CPS1: variants seen among roughly 807,000 people sequenced by gnomAD.
CPS1 encodes carbamoyl-phosphate synthase [ammonia], mitochondrial.
A neutral mutation model predicts 174.6 loss-of-function variants in CPS1; 109 were observed. The ratio of observed to expected loss-of-function variants is 0.62; its 90% CI spans 0.53 to 0.73. The LOEUF is 0.73. CPS1 is among the 30% of genes least tolerant of loss of function. The pLI is 0.00. For missense variants in CPS1, 1,689 were observed against 1,821.9 expected (o/e 0.93, Z 1.33); for synonymous variants, 637 against 632.0 (o/e 1.01, Z -0.12).
At position 210,529,093 on chromosome 2, in the gene CPS1, T is replaced by A. The variant is rs147054426; in HGVS notation, c.4-27626T>A. Among the ~76,000 whole-genome samples the A allele has an allele frequency of 4.8e-3, 732 of 152,000 alleles. 7 individuals are homozygous for A. The highest frequency in any genetic ancestry group is 0.017 in the African/African-American group (694 of 41,510). ...AAGGGAGTTATAGTGAAAATAGAAC[T>A]GGGAATATAAAGCTAGTGTTAGGAT... is the stretch of plus-strand genomic sequence containing the variant. On this transcript the variant is annotated intron_variant, in intron 1 of 38. Transcript: ENST00000430249.
intron 1 of CPS1, among the ~76,000 whole-genome samples, chr2:210,482,908 T>C (rs111807096): frequency 3.3e-5 from 5 of 152,336 alleles, no homozygotes; most frequent in African/African-American, 1.2e-4. Context: ...AGAAAGAGCA[T>C]TCATAACTTC....
At chr2:210,498,296 C>T (rs1317482216) in intron 1 of CPS1, among the ~76,000 whole-genome samples, 1 of 151,906 alleles carries the variant, frequency 6.6e-6, no homozygotes, top group Non-Finnish European at 1.5e-5. Context: ...AATATTTTTC[C>T]ACTGGTTTGT....
intron 1 of CPS1, among the ~76,000 whole-genome samples, chr2:210,566,785 A>T (rs2106058847): frequency 6.6e-6 from 1 of 152,166 alleles, no homozygotes; most frequent in East Asian, 1.9e-4. Context: ...TTAGATGAGA[A>T]AACCCACTAA....
chr2:210,591,806 A>C, intron 9 of CPS1, 25 bp from the exon 10 acceptor site: 1 of 1,609,822 alleles, frequency 6.2e-7, no homozygotes, highest in Non-Finnish European at 8.5e-7. Flanking sequence ...CCTTTTCCCT[A>C]TTCTTTTTCT....
intron 1 of CPS1, among the ~76,000 whole-genome samples, chr2:210,561,095 T>C (rs1001875682): frequency 6.6e-6 from 1 of 152,122 alleles, no homozygotes; most frequent in African/African-American, 2.4e-5. Context: ...ATATCCCCAA[T>C]TTTCTAAAAT....
rs1255749035 is a variant in CPS1 at position 210,582,637 on chromosome 2, T to G, written c.549T>G (p.Ile183Met). Residue 183 changes from isoleucine (I) to methionine (M), a missense_variant, in exon 6 of 38, where the codon ATT (isoleucine) becomes ATG (methionine). Coordinates refer to ENST00000233072, the MANE Select transcript of CPS1 (RefSeq NM_001875.5). ...GATAGGGTACCATGCTTGGGAAGAT[T>G]GAATTTGAAGGTCAGCCTGTGGATT... ...IRDKGTMLGK[I>M]EFEGQPVDFV... is the part of the protein sequence containing the mutation. The G allele has an allele frequency of 6.2e-7, 1 of 1,613,228 alleles. No individual in the cohort carries two copies. Among genetic ancestry groups the G allele is most frequent in the Admixed American group, 1.7e-5 (1 of 59,978 alleles).
chr2:210,527,870 A>G (rs1024994221), intron 1 of CPS1, among the ~76,000 whole-genome samples: 4 of 151,754 alleles, frequency 2.6e-5, no homozygotes, highest in South Asian at 4.1e-4. Context: ...AATTTGATGC[A>G]GTGGAGTGGG....
upstream of CPS1, among the ~76,000 whole-genome samples, chr2:210,554,866 C>T (rs985033641): frequency 2.8e-5 from 4 of 144,692 alleles, no homozygotes; most frequent in South Asian, 2.2e-4. Context: ...CACACACACA[C>T]ATAAAAAGAC....
rs1190918879 is a variant in CPS1 at position 210,642,721 on chromosome 2, C to T, written c.3141+56C>T. The T allele has an allele frequency of 2.5e-5, 37 of 1,453,032 alleles. No individual in the cohort carries two copies. The Admixed American group carries it at 6.3e-4, about 25-fold the overall frequency. 90.0% of individuals were successfully genotyped at this position (1,453,032 alleles called of 1,614,324 possible). A position where few individuals can be genotyped will look rare whatever the true frequency, so the allele number is the denominator to read the frequency against. On this transcript the variant is annotated intron_variant, in intron 25 of 37. Coordinates refer to ENST00000233072, the MANE Select transcript of CPS1 (RefSeq NM_001875.5). ...AAAGAAGACAGATATATGTAGTATA[C>T]ACTTTATATATATGCATTCTGGTAT...
intron 1 of CPS1, among the ~76,000 whole-genome samples, chr2:210,541,712 C>T (rs1026775632): frequency 6.6e-6 from 1 of 152,114 alleles, no homozygotes; most frequent in African/African-American, 2.4e-5. Context: ...AGTACATTTC[C>T]CCCAAAGGGA....
At chr2:210,593,279 T>C (rs888277532) in intron 11 of CPS1, 4 of 954,220 alleles carry the variant, frequency 4.2e-6, no homozygotes, top group Middle Eastern at 4.4e-4. Flanking sequence ...TTGCTCTCTC[T>C]CGTTCTCATG....
At chr2:210,579,356 C>A (rs559834550) in intron 4 of CPS1, among the ~76,000 whole-genome samples, 14 of 152,208 alleles carry the variant, frequency 9.2e-5, no homozygotes, top group African/African-American at 3.4e-4. Context: ...TACTCTGTGC[C>A]AGGAACATTT....
At chr2:210,567,747 T>A (rs1490602639) in intron 1 of CPS1, among the ~76,000 whole-genome samples, 3 of 152,112 alleles carry the variant, frequency 2.0e-5, no homozygotes, top group Non-Finnish European at 4.4e-5. Context: ...AGCCTAAGGG[T>A]ACTTTTTGGG....
At chr2:210,627,016 A>G (rs1574611392) in intron 21 of CPS1, among the ~76,000 whole-genome samples, 1 of 152,288 alleles carries the variant, frequency 6.6e-6, no homozygotes, top group East Asian at 1.9e-4. Flanking sequence ...TCCCACTTTC[A>G]GTTTTAGTCA....
At chr2:210,531,311 T>C (rs1322376211) in intron 1 of CPS1, among the ~76,000 whole-genome samples, 1 of 152,142 alleles carries the variant, frequency 6.6e-6, no homozygotes, top group Non-Finnish European at 1.5e-5. Flanking sequence ...AGTACTCTTC[T>C]GCCAGCCTTG....
chr2:210,619,607 TGC>T (rs1699436209), intron 21 of CPS1: 1 of 152,142 alleles, frequency 6.6e-6, no homozygotes, highest in Non-Finnish European at 1.5e-5. Flanking sequence ...TCCTTTATGA[TGC>T]ATCACTTATT....
chr2:210,624,356 C>T (rs186896919), intron 21 of CPS1, among the ~76,000 whole-genome samples: 14 of 152,184 alleles, frequency 9.2e-5, no homozygotes, highest in Admixed American at 9.2e-4. Flanking sequence ...TAAAGAAAAA[C>T]AGTCTTACCA....
intron 1 of CPS1, chr2:210,519,685 C>A: frequency 1.1e-6 from 1 of 937,874 alleles, no homozygotes; most frequent in Non-Finnish European, 1.3e-6. Flanking sequence ...GTGACCCAAG[C>A]CCCACCAGTC....
At chr2:210,639,356 T>A in intron 23 of CPS1, 141 bp downstream of exon 23, 1 of 681,280 alleles carries the variant, frequency 1.5e-6, no homozygotes, top group Non-Finnish European at 2.6e-6. Flanking sequence ...CTCACGCCTG[T>A]AATCCCAGCA....
Sources: gnomAD v4.1 joint callset for allele counts (sites outside exome capture counted in the v4.1 genomes callset) on GRCh38, gnomAD v4.1.1 for gene constraint, MANE v1.5 for transcripts, NCBI Gene and HGNC (gene_info 2026-07-23, HGNC 2026-07-21) for gene names.